GRIN3A: variants seen among roughly 807,000 people sequenced by gnomAD.
GRIN3A encodes glutamate ionotropic receptor NMDA type subunit 3A.
Under a neutral mutation model 92.4 loss-of-function variants are expected in GRIN3A, and 47 were observed. That is an observed-to-expected ratio of 0.51 (90% CI 0.40 to 0.65). The LOEUF (loss-of-function observed/expected upper bound fraction) is 0.65. Among genes scored for constraint, GRIN3A ranks in the 30% least tolerant of loss-of-function variants. The pLI is 0.00. For missense variants in GRIN3A, 1,324 were observed against 1,393.1 expected, an observed-to-expected ratio of 0.95 and a Z score of 0.79; for synonymous variants, 527 against 540.6, an observed-to-expected ratio of 0.97 and a Z score of 0.35.
chr9:101,640,647 A>G (rs567298696), intron 3 of GRIN3A, among the ~76,000 whole-genome samples: 3 of 150,170 alleles, frequency 2.0e-5, no homozygotes, highest in African/African-American at 5.0e-5. Flanking sequence ...CACAATTCCC[A>G]TGTGTTGTGG....
At chr9:101,652,541 CCTCCACCAAAGGTGCTGTCCT>C in intron 3 of GRIN3A, among the ~76,000 whole-genome samples, 1 of 152,054 alleles carries the variant, frequency 6.6e-6, no homozygotes, top group African/African-American at 2.4e-5. Flanking sequence ...CAACATCCTC[CCTCCACCAAAGGTGCTGTCCT>C]CTGGTGATGG....
chr9:101,628,895 AT>A (rs1317362834), intron 3 of GRIN3A, among the ~76,000 whole-genome samples: 6 of 149,782 alleles, frequency 4.0e-5, no homozygotes, highest in African/African-American at 1.5e-4. Context: ...TGTTTATTGA[AT>A]TTATTTTTAG....
At chr9:101,575,173 C>A (rs1827810666) in intron 8 of GRIN3A, among the ~76,000 whole-genome samples, 1 of 152,150 alleles carries the variant, frequency 6.6e-6, no homozygotes, top group South Asian at 2.1e-4. Context: ...TTTAACATGC[C>A]TCATAGTCTA....
chr9:101,732,051 A>G (rs10760806), intron 1 of GRIN3A, among the ~76,000 whole-genome samples: 64,361 of 152,090 alleles, frequency 0.42, 13,853 homozygotes, highest in Non-Finnish European at 0.47. Flanking sequence ...GCTAGCAGAA[A>G]AAAAGACAAT....
Position 101,570,301 on chromosome 9 carries a change from C to G in GRIN3A, c.*2873G>C, listed in dbSNP as rs1056626658. ...TTCTTCTTTACCAGAATACCACCCT[C>G]TATCTGAAGGCTTCTGATCTTTGTG... On this transcript the variant is annotated 3_prime_UTR_variant, in exon 9 of 9. Coordinates refer to ENST00000361820, the MANE Select transcript of GRIN3A (RefSeq NM_133445.3). 1 of 152,562 alleles carries G rather than the reference C, an allele frequency of 6.6e-6. No individual in the cohort carries two copies. Among genetic ancestry groups the G allele is most frequent in the African/African-American group, 2.4e-5 (1 of 41,438 alleles). The allele number at this position is 152,562 out of a possible 1,614,324, so 9.5% of individuals were successfully genotyped here.
chr9:101,623,768 A>G (rs1043853084), intron 4 of GRIN3A, among the ~76,000 whole-genome samples: 18 of 152,226 alleles, frequency 1.2e-4, no homozygotes, highest in Non-Finnish European at 2.6e-4. Context: ...TGTTAGAGGG[A>G]CTTCTTGTTG....
At chr9:101,626,392 T>G (rs1302825199) in intron 4 of GRIN3A, among the ~76,000 whole-genome samples, 1 of 152,130 alleles carries the variant, frequency 6.6e-6, no homozygotes, top group Non-Finnish European at 1.5e-5. Flanking sequence ...TGTAGAAAAG[T>G]TCCTTGCACA....
At chr9:101,734,936 G>A (rs889913359) in intron 1 of GRIN3A, among the ~76,000 whole-genome samples, 7 of 151,840 alleles carry the variant, frequency 4.6e-5, no homozygotes, top group African/African-American at 1.7e-4. Context: ...TATTTAATGT[G>A]TAAAATGAGT....
intron 5 of GRIN3A, among the ~76,000 whole-genome samples, chr9:101,621,691 G>A (rs527466528): frequency 6.6e-5 from 10 of 152,128 alleles, no homozygotes; most frequent in Non-Finnish European, 1.2e-4. Context: ...AGTTAATTGC[G>A]TGGCATCTGG....
At chr9:101,709,441 T>C (rs1209826867) in intron 1 of GRIN3A, among the ~76,000 whole-genome samples, 1 of 152,196 alleles carries the variant, frequency 6.6e-6, no homozygotes, top group Non-Finnish European at 1.5e-5. Flanking sequence ...CAGCAGAGCC[T>C]GGTTATTAAT....
intron 6 of GRIN3A, among the ~76,000 whole-genome samples, chr9:101,609,234 A>G (rs1828326178): frequency 6.6e-6 from 1 of 152,232 alleles, no homozygotes. Context: ...GGCCAATGAA[A>G]TATGAGGAAA....
At chr9:101,728,048 A>G (rs1564153981) in intron 1 of GRIN3A, among the ~76,000 whole-genome samples, 1 of 152,004 alleles carries the variant, frequency 6.6e-6, no homozygotes, top group Non-Finnish European at 1.5e-5. Flanking sequence ...TACATTTACA[A>G]TATATAGAAG....
intron 6 of GRIN3A, among the ~76,000 whole-genome samples, chr9:101,582,943 T>C (rs548058555): frequency 6.6e-6 from 1 of 152,362 alleles, no homozygotes; most frequent in South Asian, 2.1e-4. Context: ...TACATTTTTT[T>C]CTTTAAACTT....
At chr9:101,724,684 G>A (rs1318506028) in intron 1 of GRIN3A, among the ~76,000 whole-genome samples, 1 of 152,200 alleles carries the variant, frequency 6.6e-6, no homozygotes, top group Admixed American at 6.5e-5. Context: ...TCAGTAATGA[G>A]TCTCACACGA....
chr9:101,687,307 A>G (rs1435043814), intron 1 of GRIN3A, 107 bp from the exon 2 acceptor site: 17 of 1,127,020 alleles, frequency 1.5e-5, no homozygotes, highest in Non-Finnish European at 2.1e-5. Flanking sequence ...TTTCACTGTG[A>G]TACATAGTTC....
intron 6 of GRIN3A, among the ~76,000 whole-genome samples, chr9:101,585,258 A>T (rs1022258725): frequency 5.3e-5 from 8 of 152,128 alleles, no homozygotes; most frequent in Admixed American, 2.6e-4. Context: ...TTTTTGTGAT[A>T]CTTCTTTCTC....
At chr9:101,595,638 C>A (rs1339602432) in intron 6 of GRIN3A, among the ~76,000 whole-genome samples, 1 of 152,136 alleles carries the variant, frequency 6.6e-6, no homozygotes, top group Admixed American at 6.5e-5. Context: ...AGGCAGATAC[C>A]GCGCAGAATT....
intron 6 of GRIN3A, chr9:101,594,599 G>A: frequency 6.2e-7 from 1 of 1,614,196 alleles, no homozygotes; most frequent in African/African-American, 1.3e-5. Context: ...CTCCCCGTTG[G>A]AAATGTAGCC....
chr9:101,602,899 A>G (rs938477875), intron 6 of GRIN3A: 3 of 152,198 alleles, frequency 2.0e-5, no homozygotes, highest in African/African-American at 7.2e-5. Flanking sequence ...GGGCCTGTTC[A>G]CACAGGAGCC....
Sources: allele counts gnomAD v4.1 joint callset (sites outside exome capture counted in the v4.1 genomes callset), GRCh38; gene constraint gnomAD v4.1.1; transcripts MANE v1.5; gene names NCBI Gene and HGNC (gene_info 2026-07-23, HGNC 2026-07-21).